PCCA: variants seen among roughly 807,000 people sequenced by gnomAD.
The protein encoded by PCCA is propionyl-CoA carboxylase alpha chain, mitochondrial.
A neutral mutation model predicts 101.3 loss-of-function variants in PCCA; 74 were observed. The ratio of observed to expected loss-of-function variants is 0.73; its 90% CI spans 0.61 to 0.89. The LOEUF is 0.89. PCCA is among the 40% of genes least tolerant of loss of function. The pLI is 0.00. For synonymous variants in PCCA, 294 were observed against 313.6 expected, an observed-to-expected ratio of 0.94 and a Z score of 0.66; for missense variants, 891 against 907.0, an observed-to-expected ratio of 0.98 and a Z score of 0.23.
chr13:100,232,988 T>A (rs543723498), intron 7 of PCCA, among the ~76,000 whole-genome samples: 1 of 152,350 alleles, frequency 6.6e-6, no homozygotes, highest in East Asian at 1.9e-4. Flanking sequence ...TATTTCATTT[T>A]ATGGATGTAC....
chr13:100,467,470 C>G (rs2082624004), intron 21 of PCCA, among the ~76,000 whole-genome samples: 1 of 152,170 alleles, frequency 6.6e-6, no homozygotes, highest in Non-Finnish European at 1.5e-5. Flanking sequence ...CTCCCGGGTT[C>G]AAGCTATTCT....
chr13:100,451,844 CCT>C (rs1186514317), intron 21 of PCCA, among the ~76,000 whole-genome samples: 8 of 62,066 alleles, frequency 1.3e-4, no homozygotes, highest in African/African-American at 4.1e-4. Context: ...TCCTCTCTCT[CCT>C]CTCTCTCCTC....
chr13:100,355,264 A>G (rs1272972007), intron 18 of PCCA, among the ~76,000 whole-genome samples: 2 of 152,194 alleles, frequency 1.3e-5, no homozygotes, highest in East Asian at 3.9e-4. Context: ...GCTTTTCATT[A>G]TGAAAAACAC....
At chr13:100,474,214 TTTC>T (rs1426772676) in intron 21 of PCCA, among the ~76,000 whole-genome samples, 11 of 152,158 alleles carry the variant, frequency 7.2e-5, no homozygotes, top group African/African-American at 1.9e-4. Flanking sequence ...CTAAACCTCT[TTTC>T]TTCTTCAATT....
At chr13:100,156,036 G>T (rs1055281319) in intron 5 of PCCA, among the ~76,000 whole-genome samples, 2 of 152,146 alleles carry the variant, frequency 1.3e-5, no homozygotes, top group Non-Finnish European at 2.9e-5. Context: ...AAATTCTTCT[G>T]TACCATGCTC....
intron 5 of PCCA, among the ~76,000 whole-genome samples, chr13:100,157,046 T>G (rs1182921850): frequency 6.6e-6 from 1 of 152,152 alleles, no homozygotes; most frequent in Non-Finnish European, 1.5e-5. Flanking sequence ...AAAGGTAGTG[T>G]GTGGAAAATG....
chr13:100,290,586 A>G (rs1040680606), intron 12 of PCCA, among the ~76,000 whole-genome samples: 4 of 152,168 alleles, frequency 2.6e-5, no homozygotes, highest in African/African-American at 9.7e-5. Context: ...GTGTTTGTAT[A>G]CATTAACCCT....
chr13:100,191,155 G>C (rs1181866903), intron 6 of PCCA, among the ~76,000 whole-genome samples: 1 of 152,164 alleles, frequency 6.6e-6, no homozygotes, highest in East Asian at 1.9e-4. Context: ...GTACTTCCAA[G>C]CACCCTATTT....
chr13:100,186,946 A>G (rs955064352), intron 6 of PCCA, among the ~76,000 whole-genome samples: 2 of 152,222 alleles, frequency 1.3e-5, no homozygotes, highest in African/African-American at 2.4e-5. Context: ...AAAATTTTCA[A>G]TGGATAATTG....
chr13:100,511,167 C>T (rs1315165192), intron 21 of PCCA, among the ~76,000 whole-genome samples: 1 of 152,256 alleles, frequency 6.6e-6, no homozygotes, highest in Non-Finnish European at 1.5e-5. Context: ...TCTCATTCCA[C>T]TGAACTGTTT....
chr13:100,173,867 T>C (rs2055970816), intron 6 of PCCA, among the ~76,000 whole-genome samples: 2 of 152,332 alleles, frequency 1.3e-5, no homozygotes, highest in South Asian at 2.1e-4. Context: ...GTTTTATAAA[T>C]GGCAGTTCCC....
intron 19 of PCCA, among the ~76,000 whole-genome samples, chr13:100,383,635 T>G (rs562232277): frequency 6.6e-6 from 1 of 151,886 alleles, no homozygotes; most frequent in South Asian, 2.1e-4. Flanking sequence ...AATAAAGATT[T>G]GAGATAGGTA....
rs992813063 is a variant in PCCA, at chr13:100,273,048, A to G, written c.915-148A>G. On this transcript the variant is annotated intron_variant, in intron 11 of 23. Coordinates refer to ENST00000376285, the MANE Select transcript of PCCA (RefSeq NM_000282.4). ...TAATATAGTCAACATATATTATAAA[A>G]CATATATAAAGCACAATATTTTGAA... The G allele has an allele frequency of 4.8e-6, 3 of 629,118 alleles. No individual in the cohort carries two copies. In the East Asian group the frequency reaches 8.3e-5, roughly 17 times the overall value. 39.0% of individuals were successfully genotyped at this position (629,118 alleles called of 1,614,324 possible).
At chr13:100,181,150 C>A (rs1188228382) in intron 6 of PCCA, among the ~76,000 whole-genome samples, 1 of 152,116 alleles carries the variant, frequency 6.6e-6, no homozygotes, top group East Asian at 1.9e-4. Flanking sequence ...TAAGGCAGAT[C>A]TGAGAGAATG....
At chr13:100,193,302 A>G (rs1414014746) in intron 6 of PCCA, among the ~76,000 whole-genome samples, 1 of 152,156 alleles carries the variant, frequency 6.6e-6, no homozygotes, top group Non-Finnish European at 1.5e-5. Flanking sequence ...AGTAGTGATG[A>G]CCATTTATTT....
intron 20 of PCCA, among the ~76,000 whole-genome samples, chr13:100,433,760 A>G (rs897268949): frequency 6.6e-6 from 1 of 152,176 alleles, no homozygotes; most frequent in Non-Finnish European, 1.5e-5. Context: ...TGCTTGCTTT[A>G]TATTGTAGGG....
intron 18 of PCCA, among the ~76,000 whole-genome samples, chr13:100,358,640 A>G (rs1432605023): frequency 6.6e-6 from 1 of 152,182 alleles, no homozygotes; most frequent in Non-Finnish European, 1.5e-5. Context: ...AAGATAGAAG[A>G]ATAGAGATTA....
At chr13:100,244,068 A>G (rs2061305344) in intron 8 of PCCA, among the ~76,000 whole-genome samples, 2 of 152,180 alleles carry the variant, frequency 1.3e-5, no homozygotes, top group African/African-American at 4.8e-5. Context: ...AAACATTACA[A>G]TTTATACCTT....
chr13:100,273,975 G>C (rs1029138406), intron 12 of PCCA, among the ~76,000 whole-genome samples: 2 of 152,084 alleles, frequency 1.3e-5, no homozygotes, highest in Non-Finnish European at 2.9e-5. Flanking sequence ...AACATACATA[G>C]AACACAGGTG....
Sources: gnomAD v4.1 joint callset for allele counts (sites outside exome capture counted in the v4.1 genomes callset) on GRCh38, gnomAD v4.1.1 for gene constraint, MANE v1.5 for transcripts, NCBI Gene and HGNC (gene_info 2026-07-23, HGNC 2026-07-21) for gene names.